Variants in XIRP2 observed in about 807,000 individuals in gnomAD.
XIRP2 encodes xin actin binding repeat containing 2.
Under a neutral mutation model 277.0 loss-of-function variants are expected in XIRP2, and 236 were observed. The ratio of observed to expected loss-of-function variants is 0.85; its 90% CI spans 0.77 to 0.95. The LOEUF is 0.95. XIRP2 is among the 40% of genes least tolerant of loss of function. The pLI, the probability that XIRP2 is intolerant of heterozygous loss-of-function variation, is 0.00. For synonymous variants in XIRP2, 1,490 were observed against 1,416.5 expected (o/e 1.05, Z -1.17); for missense variants, 4,640 against 4,157.5 (o/e 1.12, Z -3.19).
chr2:167,083,377 T>G (rs1374198450), intron 2 of XIRP2, among the ~76,000 whole-genome samples: 1 of 152,264 alleles, frequency 6.6e-6, no homozygotes, highest in East Asian at 1.9e-4. Flanking sequence ...TCAGGTAGTG[T>G]GATGCCTCCA....
intron 3 of XIRP2, among the ~76,000 whole-genome samples, chr2:167,178,796 C>T (rs147487008): frequency 3.0e-3 from 452 of 152,096 alleles, no homozygotes; most frequent in Non-Finnish European, 4.8e-3. Context: ...AAACTTATCC[C>T]GTTTTATACA....
chr2:167,241,627 C>A, intron 7 of XIRP2, 150 bp from the exon 8 acceptor site: 3 of 790,602 alleles, frequency 3.8e-6, no homozygotes, highest in Non-Finnish European at 5.6e-6. Flanking sequence ...CCAGGCTGGT[C>A]TCACACCCTT....
chr2:167,208,771 TC>T (rs1693933992), intron 3 of XIRP2, among the ~76,000 whole-genome samples: 1 of 152,210 alleles, frequency 6.6e-6, no homozygotes, highest in Admixed American at 6.5e-5. Flanking sequence ...AGCCTGAACT[TC>T]TATTAAGATT....
Position 167,186,302 on chromosome 2 carries a change from C to CT in XIRP2, c.563-24429dup, listed in dbSNP as rs1693151920. ...TGCTGGAATATCACTCCTTGACCTACTTTTAACAGAAACCAATATTGTATA... is the reference window on the plus strand; with the variant it reads ...TGCTGGAATATCACTCCTTGACCTACTTTTTAACAGAAACCAATATTGTATA... On this transcript the variant is annotated intron_variant, in intron 3 of 10. Coordinates refer to ENST00000409195, the MANE Select transcript of XIRP2 (RefSeq NM_152381.6). Among the ~76,000 whole-genome samples, 7 of 152,246 alleles carry CT rather than the reference C, an allele frequency of 4.6e-5. No homozygotes were observed. The South Asian group carries it at 1.5e-3, about 32-fold the overall frequency.
intron 2 of XIRP2, among the ~76,000 whole-genome samples, chr2:167,022,702 C>T (rs1028208714): frequency 1.1e-4 from 16 of 150,906 alleles, no homozygotes; most frequent in African/African-American, 2.4e-4. Flanking sequence ...ATGTGGTGTT[C>T]GGTTTTTTGT....
Position 166,979,359 on chromosome 2 carries a change from CTTTTCTTTTCTT to C in XIRP2, c.408+75474_408+75485del, listed in dbSNP as rs1368192517. 2.7e-4 allele frequency among the ~76,000 whole-genome samples: 31 copies of C among 116,866 alleles called. No homozygotes were observed. The East Asian group carries it at 6.1e-3, about 23-fold the overall frequency. The allele number at this position is 116,866 out of a possible 152,430, so 76.7% of individuals were successfully genotyped here. A position where few individuals can be genotyped will look rare whatever the true frequency, so the allele number is the denominator to read the frequency against. On this transcript the variant is annotated intron_variant, in intron 2 of 10. Transcript: ENST00000409195. ...GCTGTGTTTCCTTTTCTTTTCTTTT[CTTTTCTTTTCTT>C]TTTTTTTTTTTTTTTTGCTTCAGTA... is the stretch of plus-strand genomic sequence containing the variant.
At chr2:167,012,319 C>A (rs536191669) in intron 2 of XIRP2, among the ~76,000 whole-genome samples, 9 of 151,942 alleles carry the variant, frequency 5.9e-5, no homozygotes, top group South Asian at 4.2e-4. Flanking sequence ...TCGTTATGTA[C>A]CCTTTTAATC....
At chr2:167,086,444 T>G (rs1574240761) in intron 2 of XIRP2, among the ~76,000 whole-genome samples, 4 of 152,038 alleles carry the variant, frequency 2.6e-5, no homozygotes, top group Admixed American at 2.6e-4. Flanking sequence ...TCTCAAGGAG[T>G]ATCTTTGTGG....
At chr2:167,033,232 T>G (rs1324836451) in intron 2 of XIRP2, among the ~76,000 whole-genome samples, 1 of 151,382 alleles carries the variant, frequency 6.6e-6, no homozygotes, top group African/African-American at 2.4e-5. Context: ...TAAGTGGGAG[T>G]TGAACAATGA....
At chr2:167,177,662 T>G (rs1692886053) in intron 3 of XIRP2, among the ~76,000 whole-genome samples, 1 of 152,178 alleles carries the variant, frequency 6.6e-6, no homozygotes, top group Admixed American at 6.5e-5. Context: ...AATTAATATA[T>G]TCATATAAAT....
At position 167,205,976 on chromosome 2, in the gene XIRP2, G is replaced by T. The variant is rs192373852; in HGVS notation, c.563-4759G>T. On this transcript the variant is annotated intron_variant, in intron 3 of 10. Coordinates refer to ENST00000409195, the MANE Select transcript of XIRP2 (RefSeq NM_152381.6). ...GCCCTCTCACATGGTTATCAACTTG[G>T]ACCCATGTAGACTCTGGTTCACAAT... Among the ~76,000 whole-genome samples the T allele has an allele frequency of 1.9e-3, 291 of 152,174 alleles. 2 individuals carry two copies. The highest frequency in any genetic ancestry group is 1.5e-4 in the Non-Finnish European group (10 of 67,982).
intron 3 of XIRP2, among the ~76,000 whole-genome samples, chr2:167,196,514 G>C (rs1322339863): frequency 2.6e-5 from 4 of 151,374 alleles, no homozygotes; most frequent in African/African-American, 4.9e-5. Context: ...CTATGCTCAG[G>C]TTTGACACTT....
intron 2 of XIRP2, among the ~76,000 whole-genome samples, chr2:167,079,756 A>G (rs1167794963): frequency 6.6e-6 from 1 of 151,826 alleles, no homozygotes; most frequent in African/African-American, 2.4e-5. Flanking sequence ...CTAGTGGTCT[A>G]TCTATGTTGC....
chr2:167,224,713 A>G (rs532331366), intron 5 of XIRP2, among the ~76,000 whole-genome samples: 1 of 152,324 alleles, frequency 6.6e-6, no homozygotes, highest in East Asian at 1.9e-4. Flanking sequence ...CCCAGCTATT[A>G]TCATTAAAAA....
chr2:167,006,418 C>A (rs1291050538), intron 2 of XIRP2, among the ~76,000 whole-genome samples: 1 of 151,694 alleles, frequency 6.6e-6, no homozygotes, highest in East Asian at 1.9e-4. Context: ...AAAAGTAAAA[C>A]CTTGTATACA....
intron 3 of XIRP2, among the ~76,000 whole-genome samples, chr2:167,209,419 G>A (rs1693956486): frequency 6.6e-6 from 1 of 152,074 alleles, no homozygotes; most frequent in Non-Finnish European, 1.5e-5. Flanking sequence ...CAGAGTTGAG[G>A]GAGGAGAGAG....
chr2:167,064,331 G>T (rs1689246892), intron 2 of XIRP2, among the ~76,000 whole-genome samples: 1 of 151,686 alleles, frequency 6.6e-6, no homozygotes, highest in Admixed American at 6.6e-5. Context: ...CCTGCACTTT[G>T]CTTTCAAATA....
At chr2:167,135,825 T>C in intron 2 of XIRP2, 84 bp from the exon 3 acceptor site, 2 of 1,290,480 alleles carry the variant, frequency 1.5e-6, no homozygotes, top group Admixed American at 5.6e-5. Context: ...CCCTCTTTCA[T>C]TTCTGCCTTC....
At chr2:166,891,838 A>G (rs1684113582) in intron 1 of XIRP2, among the ~76,000 whole-genome samples, 1 of 152,204 alleles carries the variant, frequency 6.6e-6, no homozygotes. Flanking sequence ...TACCCTTGTC[A>G]GAAGGTGCTA....
Sources: allele counts gnomAD v4.1 joint callset (sites outside exome capture counted in the v4.1 genomes callset), GRCh38; gene constraint gnomAD v4.1.1; transcripts MANE v1.5; gene names NCBI Gene and HGNC (gene_info 2026-07-23, HGNC 2026-07-21).